The following NAALADL2 variants were observed in gnomAD, a reference collection of about 807,000 sequenced individuals.
NAALADL2 encodes the protein N-acetylated alpha-linked acidic dipeptidase like 2.
A neutral mutation model predicts 87.2 loss-of-function variants in NAALADL2; 76 were observed. That is an observed-to-expected ratio of 0.87 (90% CI 0.72 to 1.05). The LOEUF is 1.05. NAALADL2 is among the 50% of genes least tolerant of loss of function. NAALADL2 has a pLI of 0.00. For missense variants in NAALADL2, 1,089 were observed against 945.8 expected, an observed-to-expected ratio of 1.15 and a Z score of -1.99; for synonymous variants, 354 against 331.0, an observed-to-expected ratio of 1.07 and a Z score of -0.75.
intron 1 of NAALADL2, among the ~76,000 whole-genome samples, chr3:175,016,279 A>ATG (rs1473226199): frequency 0.022 from 3,236 of 148,612 alleles, 51 homozygotes; most frequent in Non-Finnish European, 0.033. Flanking sequence ...ATATATATAA[A>ATG]AAACAATAGC....
chr3:175,043,990 AT>A (rs1754387489), intron 1 of NAALADL2, among the ~76,000 whole-genome samples: 1 of 152,164 alleles, frequency 6.6e-6, no homozygotes, highest in Admixed American at 6.6e-5. Context: ...GAAAATGTTA[AT>A]TCTTCCAATC....
At chr3:175,037,499 G>T (rs1171504058) in intron 1 of NAALADL2, among the ~76,000 whole-genome samples, 1 of 152,172 alleles carries the variant, frequency 6.6e-6, no homozygotes, top group Non-Finnish European at 1.5e-5. Flanking sequence ...ATCACAGGGT[G>T]TTCTGACAGA....
intron 1 of NAALADL2, among the ~76,000 whole-genome samples, chr3:175,032,164 ATAGT>A (rs1350869042): frequency 6.6e-6 from 1 of 151,716 alleles, no homozygotes; most frequent in Non-Finnish European, 1.5e-5. Flanking sequence ...TTGCTTTTGT[ATAGT>A]TAGTTACAAA....
chr3:175,096,495 CGTGTGTGTGTGTGTGTGT>C (rs3067035), intron 1 of NAALADL2, among the ~76,000 whole-genome samples: 11 of 143,228 alleles, frequency 7.7e-5, no homozygotes, highest in Non-Finnish European at 1.1e-4. Context: ...ATTAATGGGG[CGTGTGTGTGTGTGTGTGT>C]GTGTGTGTGT....
At chr3:174,587,308 A>G (rs1044294874) in intron 2 of NAALADL2, among the ~76,000 whole-genome samples, 56 of 152,258 alleles carry the variant, frequency 3.7e-4, no homozygotes, top group African/African-American at 1.3e-3. Context: ...GTGCACACTG[A>G]TGGGTCTCGA....
At chr3:174,681,383 T>A (rs1727521591) in intron 2 of NAALADL2, among the ~76,000 whole-genome samples, 1 of 152,064 alleles carries the variant, frequency 6.6e-6, no homozygotes, top group South Asian at 2.1e-4. Flanking sequence ...GTGCTTGTAC[T>A]AACTCACCCC....
At chr3:175,334,807 G>C (rs998437497) in intron 5 of NAALADL2, among the ~76,000 whole-genome samples, 1 of 152,124 alleles carries the variant, frequency 6.6e-6, no homozygotes, top group Non-Finnish European at 1.5e-5. Context: ...TGGATAAAGG[G>C]AGAAATGGAA....
At chr3:175,682,422 G>A (rs1332482209) in intron 11 of NAALADL2, among the ~76,000 whole-genome samples, 2 of 151,942 alleles carry the variant, frequency 1.3e-5, no homozygotes, top group African/African-American at 2.4e-5. Context: ...GCTGCAGAAA[G>A]AATTAATGAA....
chr3:174,472,992 CT>C (rs1261151391), intron 1 of NAALADL2, among the ~76,000 whole-genome samples: 1 of 152,148 alleles, frequency 6.6e-6, no homozygotes, highest in Non-Finnish European at 1.5e-5. Context: ...TCGTAGATTT[CT>C]TCTGACAGAA....
intron 2 of NAALADL2, among the ~76,000 whole-genome samples, chr3:175,126,491 T>A (rs534090865): frequency 6.6e-6 from 1 of 152,232 alleles, no homozygotes; most frequent in East Asian, 1.9e-4. Context: ...AACTGAACAA[T>A]TCCATTTTTA....
At chr3:174,665,446 T>C (rs1050976758) in intron 2 of NAALADL2, among the ~76,000 whole-genome samples, 1 of 152,290 alleles carries the variant, frequency 6.6e-6, no homozygotes, top group South Asian at 2.1e-4. Flanking sequence ...TTATTATTTG[T>C]AGTGCTGTTA....
intron 1 of NAALADL2, among the ~76,000 whole-genome samples, chr3:174,902,026 A>G (rs1218581049): frequency 2.6e-5 from 4 of 152,074 alleles, no homozygotes; most frequent in African/African-American, 9.7e-5. Flanking sequence ...TATAATATAT[A>G]CACGACTTAC....
At chr3:175,113,664 C>T (rs1203918965) in intron 2 of NAALADL2, among the ~76,000 whole-genome samples, 6 of 151,500 alleles carry the variant, frequency 4.0e-5, no homozygotes, top group Non-Finnish European at 5.9e-5. Context: ...TTTTGATCCC[C>T]ATTTCCAACA....
intron 1 of NAALADL2, among the ~76,000 whole-genome samples, chr3:174,944,252 T>C (rs538730906): frequency 6.6e-6 from 1 of 152,054 alleles, no homozygotes; most frequent in South Asian, 2.1e-4. Context: ...GATTAGGAGG[T>C]CCCACCCAGT....
chr3:175,693,930 TG>T (rs1406544772), intron 11 of NAALADL2, among the ~76,000 whole-genome samples: 1 of 152,142 alleles, frequency 6.6e-6, no homozygotes, highest in East Asian at 1.9e-4. Context: ...CTTGACCTAG[TG>T]ATTCATCTGC....
intron 2 of NAALADL2, among the ~76,000 whole-genome samples, chr3:175,161,955 C>T (rs1437833988): frequency 6.6e-6 from 1 of 152,116 alleles, no homozygotes; most frequent in Non-Finnish European, 1.5e-5. Context: ...TTTTTTTACA[C>T]AGTCATATCT....
intron 1 of NAALADL2, among the ~76,000 whole-genome samples, chr3:174,944,427 C>G (rs941485830): frequency 6.6e-6 from 1 of 152,114 alleles, no homozygotes. Flanking sequence ...GATGTTGGCC[C>G]ACCCCTCCCC....
chr3:175,261,031 G>A (rs77761703), intron 4 of NAALADL2, among the ~76,000 whole-genome samples: 1,996 of 152,098 alleles, frequency 0.013, 38 homozygotes, highest in African/African-American at 0.047. Flanking sequence ...AAAAAGCATC[G>A]ACCAAGTTCC....
In NAALADL2 at chr3:175,651,448, G is replaced by A. The variant is rs115364975; in HGVS notation, c.1896+24062G>A. Among the ~76,000 whole-genome samples the A allele has an allele frequency of 7.4e-3, 1,124 of 152,170 alleles. 14 individuals carry two copies. Among genetic ancestry groups the A allele is most frequent in the African/African-American group, 0.026 (1,075 of 41,516 alleles). ...AGCTTTGGTGAGAAGTGACTGGCTG[G>A]TTTCACTCTAATTCATTTTGGAGAG... On this transcript the variant is annotated intron_variant, in intron 11 of 13. Transcript: ENST00000454872.
Sources: allele counts gnomAD v4.1 joint callset (sites outside exome capture counted in the v4.1 genomes callset), GRCh38; gene constraint gnomAD v4.1.1; transcripts MANE v1.5; gene names NCBI Gene and HGNC (gene_info 2026-07-23, HGNC 2026-07-21).